The following FAM3C variants were observed in gnomAD, a reference collection of about 807,000 sequenced individuals.
FAM3C encodes the protein protein FAM3C.
In FAM3C, 15 loss-of-function variants were observed where a neutral mutation model predicts 32.5. The observed-to-expected ratio is 0.46, with a 90% CI of 0.31 to 0.71. The LOEUF is 0.71. Among genes scored for constraint, FAM3C ranks in the 30% least tolerant of loss-of-function variants. The pLI is 0.05. For synonymous variants in FAM3C, 75 were observed against 86.1 expected, an observed-to-expected ratio of 0.87 and a Z score of 0.72; for missense variants, 175 against 274.4, an observed-to-expected ratio of 0.64 and a Z score of 2.56.
At chr7:121,373,224 C>T (rs1794182018) in intron 3 of FAM3C, among the ~76,000 whole-genome samples, 1 of 150,220 alleles carries the variant, frequency 6.7e-6, no homozygotes, top group Admixed American at 6.6e-5. Context: ...AATAACATCA[C>T]CTCCATTTAA....
intron 5 of FAM3C, among the ~76,000 whole-genome samples, chr7:121,370,397 C>T (rs1472909521): frequency 2.0e-5 from 3 of 152,126 alleles, no homozygotes; most frequent in African/African-American, 7.2e-5. Context: ...AAAGAAGAGG[C>T]ACATAAACAG....
rs185843429 is a variant in FAM3C, at chr7:121,388,079, T to C, written c.-41-5069A>G. Among the ~76,000 whole-genome samples, 68 of 152,232 alleles carry C rather than the reference T, an allele frequency of 4.5e-4. 1 individual carries two copies. Among genetic ancestry groups the C allele is most frequent in the African/African-American group, 1.6e-3 (68 of 41,542 alleles). On this transcript the variant is annotated intron_variant, in intron 1 of 9. Transcript: ENST00000359943. The stretch of plus-strand genomic sequence containing the variant: ...ACTCAGTAGGATATCTGAGCTGCTA[T>C]CATTGTGTTAGAAATATTGTAAATT...
intron 8 of FAM3C, among the ~76,000 whole-genome samples, chr7:121,357,929 G>C (rs559399536): frequency 6.6e-6 from 1 of 152,170 alleles, no homozygotes; most frequent in East Asian, 1.9e-4. Flanking sequence ...GGTGAAAAAC[G>C]GAGGTCATGT....
intron 1 of FAM3C, among the ~76,000 whole-genome samples, chr7:121,389,955 C>T (rs529601662): frequency 2.0e-5 from 3 of 152,116 alleles, no homozygotes; most frequent in Admixed American, 1.3e-4. Flanking sequence ...TCTATTACAC[C>T]CCCATATACA....
At chr7:121,359,967 AT>A (rs3837124) in intron 8 of FAM3C, 75 bp downstream of exon 8, 234 of 754,660 alleles carry the variant, frequency 3.1e-4, no homozygotes, top group Admixed American at 4.0e-4. Context: ...TATGTTACAG[AT>A]TTTTTTTTAA....
Position 121,390,260 on chromosome 7 carries a change from C to A in FAM3C, c.-42+5902G>T, listed in dbSNP as rs114484357. Among the ~76,000 whole-genome samples, 766 of 152,254 alleles carry A rather than the reference C, an allele frequency of 5.0e-3. 9 individuals are homozygous for A. Among genetic ancestry groups the A allele is most frequent in the African/African-American group, 0.017 (714 of 41,558 alleles). On this transcript the variant is annotated intron_variant, in intron 1 of 9. Coordinates refer to ENST00000359943, the MANE Select transcript of FAM3C (RefSeq NM_014888.3). ...TTAACTAAACTCAGGATAAGGCTTA[C>A]AACCACATTTTTATTTCTTAGTAGT...
chr7:121,362,679 T>A (rs1020528839), intron 7 of FAM3C: 1 of 483,600 alleles, frequency 2.1e-6, no homozygotes, highest in African/African-American at 2.1e-5. Context: ...ATTACTATCT[T>A]CAATTATACA....
chr7:121,359,019 A>G (rs1793871136), intron 8 of FAM3C, among the ~76,000 whole-genome samples: 1 of 151,964 alleles, frequency 6.6e-6, no homozygotes, highest in Admixed American at 6.6e-5. Context: ...ATCCAATCTC[A>G]ATAATAAAGG....
Position 121,350,354 on chromosome 7 carries a change from C to T in FAM3C, c.*107G>A. The T allele has an allele frequency of 7.2e-7, 1 of 1,382,676 alleles. No homozygotes were observed. Among genetic ancestry groups the T allele is most frequent in the African/African-American group, 1.4e-5 (1 of 69,924 alleles). 85.7% of individuals were successfully genotyped at this position (1,382,676 alleles called of 1,614,324 possible). A position where few individuals can be genotyped will look rare whatever the true frequency, so the allele number is the denominator to read the frequency against. On this transcript the variant is annotated 3_prime_UTR_variant, in exon 10 of 10. Transcript: ENST00000359943. ...TCAAAAGAGACAATACTCATGCACA[C>T]ACCAAGATGGCTGCATGCTCTTAAA...
chr7:121,356,184 C>T (rs1016407365), intron 8 of FAM3C, among the ~76,000 whole-genome samples: 1 of 139,498 alleles, frequency 7.2e-6, no homozygotes, highest in African/African-American at 3.0e-5. Flanking sequence ...AATGTAATCT[C>T]TGAAACATGG....
At chr7:121,389,299 G>GA (rs1794531116) in intron 1 of FAM3C, among the ~76,000 whole-genome samples, 1 of 151,554 alleles carries the variant, frequency 6.6e-6, no homozygotes, top group Non-Finnish European at 1.5e-5. Context: ...ATTCTTTTCA[G>GA]AAATCTGGTA....
chr7:121,382,811 C>T (rs1351983162), intron 2 of FAM3C, 146 bp downstream of exon 2: 4 of 584,812 alleles, frequency 6.8e-6, no homozygotes, highest in Non-Finnish European at 8.5e-6. Context: ...GATTTGCCAA[C>T]TACCTAAAAA....
chr7:121,395,127 C>G (rs1055689791), intron 1 of FAM3C, among the ~76,000 whole-genome samples: 7 of 151,854 alleles, frequency 4.6e-5, no homozygotes, highest in African/African-American at 1.7e-4. Flanking sequence ...ACACAGTAAG[C>G]AATCTAATAT....
chr7:121,395,597 C>A (rs932838349), intron 1 of FAM3C, among the ~76,000 whole-genome samples: 2 of 151,974 alleles, frequency 1.3e-5, no homozygotes, highest in African/African-American at 4.8e-5. Flanking sequence ...TCCGTGGTCC[C>A]GAGCTGTGAG....
intron 8 of FAM3C, 28 bp from the exon 9 acceptor site, chr7:121,351,297 A>G (rs1793700978): frequency 6.2e-7 from 1 of 1,607,044 alleles, no homozygotes; most frequent in Admixed American, 1.7e-5. Flanking sequence ...AGAATACAAC[A>G]ATAAACAGAG....
intron 5 of FAM3C, among the ~76,000 whole-genome samples, chr7:121,368,726 T>C (rs1794075294): frequency 6.6e-6 from 1 of 152,030 alleles, no homozygotes; most frequent in Admixed American, 6.5e-5. Flanking sequence ...AATTCACTTC[T>C]CTCCAGAGCT....
Position 121,351,132 on chromosome 7 carries a change from A to G in FAM3C, c.594+11T>C. On this transcript the variant is annotated intron_variant, in intron 9 of 9. Coordinates refer to ENST00000359943, the MANE Select transcript of FAM3C (RefSeq NM_014888.3). ...TTGTTTTTGTTAATTCTGAGAGTCT[A>G]TGACACTAACCTGTTCAAAAGGGCT... 5 of 1,610,086 alleles carry G rather than the reference A, an allele frequency of 3.1e-6. No homozygotes were observed. Among genetic ancestry groups the G allele is most frequent in the Non-Finnish European group, 4.2e-6 (5 of 1,178,238 alleles).
chr7:121,389,469 TGAAG>T (rs1235524840), intron 1 of FAM3C, among the ~76,000 whole-genome samples: 1 of 152,184 alleles, frequency 6.6e-6, no homozygotes, highest in African/African-American at 2.4e-5. Context: ...CTACTACTAC[TGAAG>T]GAAGCACCTT....
chr7:121,375,697 G>C (rs1255841667), intron 3 of FAM3C, among the ~76,000 whole-genome samples: 1 of 152,172 alleles, frequency 6.6e-6, no homozygotes, highest in African/African-American at 2.4e-5. Flanking sequence ...CATGTGCACA[G>C]TGACTATACC....
Sources: allele counts gnomAD v4.1 joint callset (sites outside exome capture counted in the v4.1 genomes callset), GRCh38; gene constraint gnomAD v4.1.1; transcripts MANE v1.5; gene names NCBI Gene and HGNC (gene_info 2026-07-23, HGNC 2026-07-21).